Variants in TMEM117 observed in about 807,000 individuals in gnomAD.
TMEM117 encodes transmembrane protein 117.
Under a neutral mutation model 52.4 loss-of-function variants are expected in TMEM117, and 27 were observed. That is an observed-to-expected ratio of 0.51 (90% confidence interval 0.38 to 0.71). The LOEUF is 0.71. Among genes scored for constraint, TMEM117 ranks in the 30% least tolerant of loss-of-function variants. The probability of loss-of-function intolerance (pLI) is 0.00; values close to 1 mark genes in which losing one functional copy is unlikely to be tolerated. For synonymous variants in TMEM117, 215 were observed against 206.3 expected, an observed-to-expected ratio of 1.04 and a Z score of -0.36; for missense variants, 556 against 630.5, an observed-to-expected ratio of 0.88 and a Z score of 1.26.
At chr12:43,946,399 GT>G (rs1945134540) in intron 3 of TMEM117, among the ~76,000 whole-genome samples, 1 of 130,914 alleles carries the variant, frequency 7.6e-6, no homozygotes, top group Non-Finnish European at 1.5e-5. Context: ...TTTTTTGTTT[GT>G]TTTTTTATCT....
chr12:44,268,222 C>T (rs181638638), intron 5 of TMEM117, among the ~76,000 whole-genome samples: 34 of 152,036 alleles, frequency 2.2e-4, no homozygotes, highest in African/African-American at 8.2e-4. Flanking sequence ...ACTGCAACCT[C>T]TGCCTCCCAG....
intron 3 of TMEM117, among the ~76,000 whole-genome samples, chr12:44,078,205 C>T (rs961442290): frequency 2.6e-5 from 4 of 152,082 alleles, no homozygotes; most frequent in African/African-American, 9.7e-5. Flanking sequence ...CTTTTGTTCC[C>T]CTCAACTAGT....
chr12:44,291,130 G>T (rs911069132), intron 5 of TMEM117, among the ~76,000 whole-genome samples: 1 of 152,064 alleles, frequency 6.6e-6, no homozygotes, highest in Non-Finnish European at 1.5e-5. Flanking sequence ...CTGAAGATAG[G>T]AAGTATTCCA....
chr12:44,047,860 T>G lies in TMEM117; in HGVS notation c.411-95665T>G, dbSNP rs559985189. Among the ~76,000 whole-genome samples the G allele has an allele frequency of 3.9e-5, 6 of 152,286 alleles. No homozygotes were observed. In the South Asian group the frequency reaches 1.2e-3, roughly 32 times the overall value. On this transcript the variant is annotated intron_variant, in intron 3 of 7. Coordinates refer to ENST00000266534, the MANE Select transcript of TMEM117 (RefSeq NM_032256.3). ...ATTTTCCTTTTGCACCAATTTATTGTTAGAATGTAATACCAAGGTTATACT... is the reference window on the plus strand; with the variant it reads ...ATTTTCCTTTTGCACCAATTTATTGGTAGAATGTAATACCAAGGTTATACT...
At chr12:43,799,431 A>T in the TMEM117 span, 2 of 1,610,028 alleles carry the variant, frequency 1.2e-6, no homozygotes, top group Non-Finnish European at 1.7e-6. Flanking sequence ...GTTCTTCCTC[A>T]GCTGCAGTCA....
chr12:44,346,171 A>G (rs972723636), intron 6 of TMEM117, among the ~76,000 whole-genome samples: 3 of 152,156 alleles, frequency 2.0e-5, no homozygotes, highest in Non-Finnish European at 4.4e-5. Context: ...CAAGACTTCT[A>G]TTATTGTATC....
At chr12:44,248,891 G>A (rs1332953793) in intron 5 of TMEM117, 1 of 153,856 alleles carries the variant, frequency 6.5e-6, no homozygotes, top group Non-Finnish European at 1.5e-5. Flanking sequence ...CCAGAGTTTT[G>A]GCCTCTGCCT....
chr12:44,296,712 T>C (rs1300153846), intron 5 of TMEM117, among the ~76,000 whole-genome samples: 2 of 152,204 alleles, frequency 1.3e-5, no homozygotes, highest in African/African-American at 4.8e-5. Context: ...GAAGAAATGC[T>C]GTCAGACTAC....
intron 3 of TMEM117, among the ~76,000 whole-genome samples, chr12:44,122,971 T>C (rs949121515): frequency 3.3e-5 from 5 of 152,298 alleles, no homozygotes; most frequent in African/African-American, 1.2e-4. Context: ...CTCTAGGTCT[T>C]TGAGGAATTG....
At chr12:43,871,189 G>A (rs1323516044) in intron 2 of TMEM117, among the ~76,000 whole-genome samples, 1 of 151,746 alleles carries the variant, frequency 6.6e-6, no homozygotes, top group Non-Finnish European at 1.5e-5. Flanking sequence ...TGCAACCTCT[G>A]CCTCCTGGGT....
rs749038553 is a variant in TMEM117, at chr12:44,343,052, AT to A, written c.769-33532del. Among the ~76,000 whole-genome samples, 637 of 145,988 alleles carry A rather than the reference AT, an allele frequency of 4.4e-3. 3 individuals carry two copies. The highest frequency in any genetic ancestry group is 7.0e-3 in the Middle Eastern group (2 of 286). ...AGGTGCCCACCACCATACCCAGCTAATTTTTTTTTTTGTATTTTTAGTACAG... is the reference window on the plus strand; with the variant it reads ...AGGTGCCCACCACCATACCCAGCTAATTTTTTTTTTGTATTTTTAGTACAG... On this transcript the variant is annotated intron_variant, in intron 6 of 7. Coordinates refer to ENST00000266534, the MANE Select transcript of TMEM117 (RefSeq NM_032256.3).
chr12:44,211,225 G>A (rs2138397738), intron 4 of TMEM117, 65 bp from the exon 5 acceptor site: 2 of 1,053,300 alleles, frequency 1.9e-6, no homozygotes, highest in South Asian at 1.3e-5. Context: ...TAAATTATAG[G>A]CTTATAGTTA....
In TMEM117 at chr12:44,184,166, C is replaced by T. The variant is rs148234987; in HGVS notation, c.511-27124C>T. On this transcript the variant is annotated intron_variant, in intron 4 of 7. Coordinates refer to ENST00000266534, the MANE Select transcript of TMEM117 (RefSeq NM_032256.3). ...TTTGAGAACAGCCTGGCTAACATGG[C>T]GAAATCCCGTCTCTACTAAAAATAC... Among the ~76,000 whole-genome samples the T allele has an allele frequency of 7.8e-4, 119 of 151,906 alleles. 1 individual carries two copies. In the East Asian group the frequency reaches 0.013, roughly 16 times the overall value.
At chr12:44,006,172 A>G (rs888529635) in intron 3 of TMEM117, among the ~76,000 whole-genome samples, 13 of 152,196 alleles carry the variant, frequency 8.5e-5, no homozygotes, top group African/African-American at 3.1e-4. Flanking sequence ...GAAAAAGAAC[A>G]TTCACCACTT....
chr12:44,168,206 T>C (rs1044239466), intron 4 of TMEM117, among the ~76,000 whole-genome samples: 1 of 151,084 alleles, frequency 6.6e-6, no homozygotes, highest in African/African-American at 2.4e-5. Flanking sequence ...GGAGCTGAGA[T>C]GGCGCTACTG....
At chr12:44,052,102 G>A (rs1261242239) in intron 3 of TMEM117, among the ~76,000 whole-genome samples, 2 of 152,148 alleles carry the variant, frequency 1.3e-5, no homozygotes, top group Non-Finnish European at 2.9e-5. Flanking sequence ...GATTAAATAT[G>A]TGTGGCACAT....
chr12:44,362,911 G>A (rs543821947), intron 6 of TMEM117, among the ~76,000 whole-genome samples: 1 of 151,520 alleles, frequency 6.6e-6, no homozygotes, highest in Admixed American at 6.6e-5. Flanking sequence ...GGAGTGCAGC[G>A]GTGCGATCTC....
chr12:43,908,643 G>T (rs367932000), intron 2 of TMEM117, among the ~76,000 whole-genome samples: 7 of 151,988 alleles, frequency 4.6e-5, no homozygotes, highest in South Asian at 2.1e-4. Context: ...AATAAAAGGA[G>T]GGAGGAAGAT....
chr12:44,290,931 G>A (rs1007246906), intron 5 of TMEM117, among the ~76,000 whole-genome samples: 1 of 152,160 alleles, frequency 6.6e-6, no homozygotes, highest in African/African-American at 2.4e-5. Flanking sequence ...GAGCTACTGT[G>A]CCTGGCCCTG....
Sources: allele counts gnomAD v4.1 joint callset (sites outside exome capture counted in the v4.1 genomes callset), GRCh38; gene constraint gnomAD v4.1.1; transcripts MANE v1.5; gene names NCBI Gene and HGNC (gene_info 2026-07-23, HGNC 2026-07-21).